PEDS1: variants seen among roughly 807,000 people sequenced by gnomAD.
PEDS1 encodes CarF homolog.
PEDS1 carries 14 observed loss-of-function variants against 35.2 expected under a neutral mutation model. The observed-to-expected ratio is 0.40, with a 90% CI of 0.26 to 0.62. The LOEUF (loss-of-function observed/expected upper bound fraction) is 0.62. Among genes scored for constraint, PEDS1 ranks in the 20% least tolerant of loss-of-function variants. PEDS1 has a pLI of 0.44. For synonymous variants in PEDS1, 152 were observed against 152.0 expected (o/e 1.00, Z 0.00); for missense variants, 260 against 367.8 (o/e 0.71, Z 2.40).
chr20:50,124,862 GAA>G lies in PEDS1; in HGVS notation c.*194_*195del, dbSNP rs764210921. The G allele has an allele frequency of 6.9e-3, 3,564 of 517,364 alleles. No homozygotes were observed. Among genetic ancestry groups the G allele is most frequent in the South Asian group, 9.7e-3 (374 of 38,660 alleles). 32.0% of individuals were successfully genotyped at this position (517,364 alleles called of 1,614,324 possible). A position where few individuals can be genotyped will look rare whatever the true frequency, so the allele number is the denominator to read the frequency against. On this transcript the variant is annotated 3_prime_UTR_variant, in exon 6 of 6. Coordinates refer to ENST00000371652, the MANE Select transcript of PEDS1 (RefSeq NM_199129.4). ...CTCAGGTGGCTGAGGAGGGGCCGAGGAAAAAAAAAAAAAAGAAATGAAAAATC... is the reference window on the plus strand; with the variant it reads ...CTCAGGTGGCTGAGGAGGGGCCGAGGAAAAAAAAAAAAGAAATGAAAAATC...
intron 2 of PEDS1, among the ~76,000 whole-genome samples, chr20:50,141,220 T>G (rs1393980161): frequency 6.6e-6 from 1 of 152,222 alleles, no homozygotes; most frequent in Non-Finnish European, 1.5e-5. Flanking sequence ...ATTTGCAATC[T>G]CAGACTCTGC....
chr20:50,130,960 G>A lies in PEDS1; in HGVS notation c.242-13C>T, dbSNP rs1427859971. 3.1e-6 allele frequency: 5 copies of A among 1,614,184 alleles called. No homozygotes were observed. The highest frequency in any genetic ancestry group is 3.4e-6 in the Non-Finnish European group (4 of 1,180,042). ...AGAGCCCCTGCAACTGTGGACAAGAGGGTGAGTGAAGGGACATCCCTGCAC... is the reference window on the plus strand; with the variant it reads ...AGAGCCCCTGCAACTGTGGACAAGAAGGTGAGTGAAGGGACATCCCTGCAC... On this transcript the variant is annotated splice_polypyrimidine_tract_variant and intron_variant, in intron 2 of 5. Coordinates refer to ENST00000371652, the MANE Select transcript of PEDS1 (RefSeq NM_199129.4).
chr20:50,146,779 G>A (rs1283178706), intron 1 of PEDS1, among the ~76,000 whole-genome samples: 1 of 152,156 alleles, frequency 6.6e-6, no homozygotes, highest in Admixed American at 6.5e-5. Context: ...CTCAACAGAG[G>A]TCACATAGCA....
chr20:50,125,555 T>C (rs934962070), intron 5 of PEDS1, among the ~76,000 whole-genome samples: 14 of 90,300 alleles, frequency 1.6e-4, no homozygotes, highest in African/African-American at 5.5e-4. Flanking sequence ...TATCTATCTA[T>C]CTATCTATCT....
In PEDS1 at chr20:50,124,876, A is replaced by G. The variant is rs983883563; in HGVS notation, c.*182T>C. The G allele has an allele frequency of 3.8e-5, 29 of 761,824 alleles. No individual in the cohort carries two copies. Among genetic ancestry groups the G allele is most frequent in the Non-Finnish European group, 3.8e-5 (19 of 494,524 alleles). 47.2% of individuals were successfully genotyped at this position (761,824 alleles called of 1,614,324 possible). ...GAGGGGCCGAGGAAAAAAAAAAAAA[A>G]GAAATGAAAAATCAGTGGCTCAAGT... On this transcript the variant is annotated 3_prime_UTR_variant, in exon 6 of 6. Transcript: ENST00000371652.
At position 50,135,002 on chromosome 20, in the gene PEDS1, G is replaced by A. The variant is rs552752427; in HGVS notation, c.242-4055C>T. 6.2e-4 allele frequency among the ~76,000 whole-genome samples: 95 copies of A among 152,106 alleles called. 1 individual carries two copies. The highest frequency in any genetic ancestry group is 5.9e-4 in the East Asian group (3 of 5,122). On this transcript the variant is annotated intron_variant, in intron 2 of 5. Transcript: ENST00000371652. ...GTTTGATACCAGTCTGGCCAACATG[G>A]TGAAACCCCGTCTTTACTAAAAACA... is the stretch of plus-strand genomic sequence containing the variant.
intron 2 of PEDS1, among the ~76,000 whole-genome samples, chr20:50,138,809 C>T (rs1365784635): frequency 6.6e-6 from 1 of 152,224 alleles, no homozygotes; most frequent in Non-Finnish European, 1.5e-5. Context: ...GCAGCTTCGG[C>T]TTGGTTACCA....
At position 50,129,447 on chromosome 20, in the gene PEDS1, T is replaced by C; in HGVS notation, c.478+99A>G. ...ACAATGAATGAAAACTCTTTTAAAA[T>C]ACCATAAGGAGCCAAACACATAAGC... is the stretch of plus-strand genomic sequence containing the variant. On this transcript the variant is annotated intron_variant, in intron 4 of 5. Transcript: ENST00000371652. The surrounding 1 kb of genome is among the most constrained non-coding windows in gnomAD (Gnocchi z 4.2). The C allele has an allele frequency of 6.7e-7, 1 of 1,482,332 alleles. No homozygotes were observed. Among genetic ancestry groups the C allele is most frequent in the Non-Finnish European group, 9.0e-7 (1 of 1,113,230 alleles). The allele number at this position is 1,482,332 out of a possible 1,614,324, so 91.8% of individuals were successfully genotyped here. A position where few individuals can be genotyped will look rare whatever the true frequency, so the allele number is the denominator to read the frequency against.
rs1372514887 is a variant in PEDS1 at position 50,119,408 on chromosome 20, C to T, written c.*5650G>A. ...CTGGGATTGCACCACTGCACTCTAGCCCAGGTAATAGAGCAAGACTTTGTC... is the reference window on the plus strand; with the variant it reads ...CTGGGATTGCACCACTGCACTCTAGTCCAGGTAATAGAGCAAGACTTTGTC... On this transcript the variant is annotated 3_prime_UTR_variant, in exon 6 of 6. Transcript: ENST00000371652. The T allele has an allele frequency of 2.0e-5, 3 of 148,490 alleles. No individual in the cohort carries two copies. The highest frequency in any genetic ancestry group is 7.5e-5 in the African/African-American group (3 of 39,922). 9.2% of individuals were successfully genotyped at this position (148,490 alleles called of 1,614,324 possible). A position where few individuals can be genotyped will look rare whatever the true frequency, so the allele number is the denominator to read the frequency against.
Position 50,125,093 on chromosome 20 carries a change from C to T in PEDS1, c.778G>A (p.Ala260Thr). The T allele has an allele frequency of 6.2e-7, 1 of 1,614,136 alleles. No homozygotes were observed. Among genetic ancestry groups the T allele is most frequent in the African/African-American group, 1.3e-5 (1 of 75,048 alleles). ...TTCTGGGCCCATTTCATGTCATCTG[C>T]CCGAGGCTTCTCGCCCGTCAGGCCC... ...IQGLTGEKPRADDMKWAQKIK is the reference protein window; with the variant it reads ...IQGLTGEKPRTDDMKWAQKIK Residue 260 changes from alanine to threonine, a missense_variant, in exon 6 of 6, where the codon GCA (alanine) becomes ACA (threonine). By Grantham distance (58) the Ala-to-Thr change is moderately conservative (BLOSUM62 0). This residue lies in a region of PEDS1 where 83 missense variants were observed against 142.8 expected (regional missense o/e 0.58). Coordinates refer to ENST00000371652, the MANE Select transcript of PEDS1 (RefSeq NM_199129.4).
chr20:50,146,200 G>T lies in PEDS1; in HGVS notation c.122-2579C>A, dbSNP rs186349358. 2.4e-3 allele frequency among the ~76,000 whole-genome samples: 360 copies of T among 152,200 alleles called. 3 individuals are homozygous for T. The highest frequency in any genetic ancestry group is 6.8e-3 in the Middle Eastern group (2 of 294). ...CTCTTCTTTTTAGGACTCTGTGCAT[G>T]CTGTTCTCTTCACTCCCTGTGCACC... is the stretch of plus-strand genomic sequence containing the variant. On this transcript the variant is annotated intron_variant, in intron 1 of 5. Coordinates refer to ENST00000371652, the MANE Select transcript of PEDS1 (RefSeq NM_199129.4).
chr20:50,138,295 G>A (rs2081256874), intron 2 of PEDS1, among the ~76,000 whole-genome samples: 1 of 152,210 alleles, frequency 6.6e-6, no homozygotes, highest in African/African-American at 2.4e-5. Context: ...CGGTGGCAGG[G>A]GCAAGGCAGG....
intron 5 of PEDS1, among the ~76,000 whole-genome samples, chr20:50,127,254 A>G (rs2081116506): frequency 1.3e-5 from 2 of 150,852 alleles, no homozygotes; most frequent in Non-Finnish European, 2.9e-5. Context: ...AGTTAGCACC[A>G]TTAGCCACGC....
At chr20:50,139,339 C>T (rs1043033394) in intron 2 of PEDS1, among the ~76,000 whole-genome samples, 4 of 152,212 alleles carry the variant, frequency 2.6e-5, no homozygotes, top group Non-Finnish European at 5.9e-5. Context: ...CACTCACTCA[C>T]GACAACGATG....
rs2147262600 is a variant in PEDS1, at chr20:50,122,962, G to A, written c.*2096C>T. The A allele has an allele frequency of 6.6e-6, 1 of 151,990 alleles. No homozygotes were observed. Among genetic ancestry groups the A allele is most frequent in the Admixed American group, 6.6e-5 (1 of 15,260 alleles). The allele number at this position is 151,990 out of a possible 1,614,324, so 9.4% of individuals were successfully genotyped here. Reference sequence around the variant, plus strand: ...AAAAAAAAAAAAATAGCCAAGCCAGGTGTGGCGGCATGTGCTAGTCCCAGC... The same window carrying A: ...AAAAAAAAAAAAATAGCCAAGCCAGATGTGGCGGCATGTGCTAGTCCCAGC... On this transcript the variant is annotated 3_prime_UTR_variant, in exon 6 of 6. Transcript: ENST00000371652.
chr20:50,150,816 C>T (rs1258065050), intron 1 of PEDS1, among the ~76,000 whole-genome samples: 1 of 152,126 alleles, frequency 6.6e-6, no homozygotes, highest in East Asian at 1.9e-4. Flanking sequence ...CTGCCTCAGC[C>T]TCCTGAGTAG....
intron 1 of PEDS1, among the ~76,000 whole-genome samples, chr20:50,149,905 T>A (rs1327263420): frequency 6.6e-6 from 1 of 152,172 alleles, no homozygotes; most frequent in Non-Finnish European, 1.5e-5. Context: ...CCCCGCCGTA[T>A]GACCTCAGGC....
intron 1 of PEDS1, among the ~76,000 whole-genome samples, chr20:50,151,611 G>A (rs1276335660): frequency 6.6e-6 from 1 of 152,226 alleles, no homozygotes; most frequent in African/African-American, 2.4e-5. Context: ...TGTAATCCCA[G>A]CACTGTGGGA....
In PEDS1 at chr20:50,140,303, C is replaced by T. The variant is rs553580200; in HGVS notation, c.241+3199G>A. ...GCTGGACCATGGCAGGCGCCTCCTC[C>T]CTGGCTGTCCCCACCCCCAGCCATC... On this transcript the variant is annotated intron_variant, in intron 2 of 5. Coordinates refer to ENST00000371652, the MANE Select transcript of PEDS1 (RefSeq NM_199129.4). Among the ~76,000 whole-genome samples, 11 of 152,380 alleles carry T rather than the reference C, an allele frequency of 7.2e-5. 1 individual carries two copies. Among genetic ancestry groups the T allele is most frequent in the Admixed American group, 7.2e-4 (11 of 15,308 alleles).
Sources: allele counts gnomAD v4.1 joint callset (sites outside exome capture counted in the v4.1 genomes callset), GRCh38; gene constraint gnomAD v4.1.1; regional missense constraint gnomAD v4.1.1; non-coding constraint Gnocchi (gnomAD v3.1); transcripts MANE v1.5; gene names NCBI Gene and HGNC (gene_info 2026-07-23, HGNC 2026-07-21).